Variants in CC2D1A observed in about 807,000 individuals in gnomAD.
The protein encoded by CC2D1A is coiled-coil and C2 domain containing 1A, also known as coiled-coil and C2 domain-containing protein 1A.
Under a neutral mutation model 123.8 loss-of-function variants are expected in CC2D1A, and 68 were observed. The observed-to-expected ratio is 0.55, with a 90% CI of 0.45 to 0.67. The LOEUF is 0.67. Ranked by LOEUF, CC2D1A falls within the 30% of genes least tolerant of loss-of-function variation. CC2D1A has a pLI of 0.00. For synonymous variants in CC2D1A, 477 were observed against 528.0 expected (o/e 0.90, Z 1.32); for missense variants, 1,185 against 1,290.3 (o/e 0.92, Z 1.25).
At chr19:13,912,853 T>C (rs1008774492) in intron 4 of CC2D1A, among the ~76,000 whole-genome samples, 5 of 152,164 alleles carry the variant, frequency 3.3e-5, no homozygotes, top group Non-Finnish European at 7.4e-5. Context: ...GGTGTTTCTC[T>C]GTGTTGGCCA....
Position 13,918,065 on chromosome 19 carries a change from TC to T in CC2D1A, c.749-3del. 1.2e-6 allele frequency: 2 copies of T among 1,613,082 alleles called. No individual in the cohort carries two copies. The highest frequency in any genetic ancestry group is 8.5e-7 in the Non-Finnish European group (1 of 1,179,910). ...AGGCTTCCTGTATGTTGTTCTCCCTTCCAGGTCCCTGCAGCCCTGGCCCTCT... is the reference window on the plus strand; with the variant it reads ...AGGCTTCCTGTATGTTGTTCTCCCTTCAGGTCCCTGCAGCCCTGGCCCTCT... On this transcript the variant is annotated splice_region_variant and splice_polypyrimidine_tract_variant and intron_variant, in intron 6 of 28. Coordinates refer to ENST00000318003, the MANE Select transcript of CC2D1A (RefSeq NM_017721.5).
chr19:13,928,291 C>G, intron 24 of CC2D1A, 103 bp downstream of exon 24: 2 of 1,000,870 alleles, frequency 2.0e-6, no homozygotes. Context: ...CGTCCCTCTC[C>G]TGCTGCAAAA....
At chr19:13,926,379 C>G in intron 17 of CC2D1A, 138 bp from the exon 18 acceptor site, 1 of 669,982 alleles carries the variant, frequency 1.5e-6, no homozygotes, top group Non-Finnish European at 2.6e-6. Context: ...AAAATGAGCC[C>G]AGGAGCTGAG....
chr19:13,918,630 TCTC>T, intron 8 of CC2D1A, 54 bp downstream of exon 8: 12 of 1,594,356 alleles, frequency 7.5e-6, no homozygotes, highest in South Asian at 1.1e-5. Flanking sequence ...TACACTAAGT[TCTC>T]CTTGATGCTG....
At chr19:13,925,470 C>A (rs969868250) in intron 17 of CC2D1A, among the ~76,000 whole-genome samples, 2 of 151,968 alleles carry the variant, frequency 1.3e-5, no homozygotes, top group Non-Finnish European at 2.9e-5. Context: ...GTCCCACCTT[C>A]TTAGGAGGCT....
In CC2D1A at chr19:13,927,970, G is replaced by T; in HGVS notation, c.2394G>T (p.Gln798His). ...VRIREPLTAQ[Q>H]LETTTERWLV... ...TTCGGGAGCCACTGACAGCCCAGCA[G>T]TTGGAGACGACGACAGAGAGGTGGC... Residue 798 changes from glutamine (Q) to histidine (H), a missense_variant, in exon 23 of 29, where the codon CAG (glutamine) becomes CAT (histidine). Transcript: ENST00000318003. The T allele has an allele frequency of 1.9e-6, 3 of 1,613,806 alleles. No homozygotes were observed. Among genetic ancestry groups the T allele is most frequent in the Non-Finnish European group, 2.5e-6 (3 of 1,179,922 alleles).
chr19:13,924,371 C>T (rs1231771418), intron 17 of CC2D1A, among the ~76,000 whole-genome samples: 2 of 151,800 alleles, frequency 1.3e-5, no homozygotes, highest in African/African-American at 2.4e-5. Flanking sequence ...GGGATTTCAC[C>T]GTGTTAGCCA....
intron 6 of CC2D1A, among the ~76,000 whole-genome samples, chr19:13,916,129 T>C (rs1269219814): frequency 1.3e-5 from 2 of 152,164 alleles, no homozygotes; most frequent in Non-Finnish European, 2.9e-5. Context: ...TGGTGGTGCA[T>C]GCTGGTAGTC....
At chr19:13,908,123 A>G (rs183988041) in intron 1 of CC2D1A, among the ~76,000 whole-genome samples, 248 of 152,162 alleles carry the variant, frequency 1.6e-3, no homozygotes, top group Middle Eastern at 3.4e-3. Context: ...CTCCTGCCTC[A>G]GCCTCCCGAG....
Position 13,923,703 on chromosome 19 carries a change from A to C in CC2D1A, c.1832A>C (p.Lys611Thr). 1 of 1,614,180 alleles carries C rather than the reference A, an allele frequency of 6.2e-7. No individual in the cohort carries two copies. Among genetic ancestry groups the C allele is most frequent in the Non-Finnish European group, 8.5e-7 (1 of 1,180,004 alleles). ...GNITETTKFE[K>T]LAEDCKRSMD... ...GGCCCTCCCACCGGCAGGTTTGAAA[A>C]GTTGGCGGAGGACTGTAAGCGGAGC... Residue 611 changes from lysine (K) to threonine (T), a missense_variant, in exon 17 of 29, where the codon AAG becomes ACG. Transcript: ENST00000318003. This position sits in a 1 kb window ranked among gnomAD's most constrained non-coding sequence, Gnocchi z 5.3.
At chr19:13,914,357 C>A (rs1386785899) in intron 6 of CC2D1A, among the ~76,000 whole-genome samples, 1 of 146,806 alleles carries the variant, frequency 6.8e-6, no homozygotes, top group Non-Finnish European at 1.5e-5. Flanking sequence ...TTTTTTGAGT[C>A]GGAGTCTCGC....
intron 6 of CC2D1A, among the ~76,000 whole-genome samples, chr19:13,914,411 T>C (rs2145314900): frequency 6.6e-6 from 1 of 151,776 alleles, no homozygotes; most frequent in East Asian, 1.9e-4. Context: ...CTCGGCTCAC[T>C]GCAACCTTTG....
Position 13,920,683 on chromosome 19 carries a change from C to A in CC2D1A, c.1468+15C>A. ...ATCCACCAGAGGTAAGTTCCCCCTCCCCGCCCCAGCTGCCTGTTGCCTGGC... is the reference window on the plus strand; with the variant it reads ...ATCCACCAGAGGTAAGTTCCCCCTCACCGCCCCAGCTGCCTGTTGCCTGGC... On this transcript the variant is annotated intron_variant, in intron 13 of 28. Coordinates refer to ENST00000318003, the MANE Select transcript of CC2D1A (RefSeq NM_017721.5). 4 of 1,606,922 alleles carry A rather than the reference C, an allele frequency of 2.5e-6. No homozygotes were observed. Among genetic ancestry groups the A allele is most frequent in the Non-Finnish European group, 3.4e-6 (4 of 1,176,248 alleles).
rs747194384 is a variant in CC2D1A at position 13,927,066 on chromosome 19, G to T, written c.2214G>T (p.Val738=). 69 of 1,613,952 alleles carry T rather than the reference G, an allele frequency of 4.3e-5. No individual in the cohort carries two copies. In the East Asian group the frequency reaches 1.5e-3, roughly 36 times the overall value. ...AIQTKGIKFE[V]VHKGGLFKTD... ...AGACCAAGGGCATCAAGTTCGAAGT[G>T]GTTCACAAGGGGTGAGCTAGAGAGA... Residue 738 remains valine (V), a synonymous_variant, in exon 21 of 29, where the codon GTG becomes GTT. Transcript: ENST00000318003.
chr19:13,918,779 C>T lies in CC2D1A; in HGVS notation c.980C>T (p.Ser327Leu), dbSNP rs200121704. 13,946 of 1,613,338 alleles carry T rather than the reference C, an allele frequency of 8.6e-3. 105 individuals are homozygous for T. Among genetic ancestry groups the T allele is most frequent in the Middle Eastern group, 0.018 (109 of 6,024 alleles). The change falls in exon 9 of 29, where the codon TCG becomes TTG. Residue 327 changes from serine (S) to leucine (L), a missense_variant. Transcript: ENST00000318003. ...CCCCCAGACCCACCGTCACCACCGT[C>T]GCAGCCTCCGACCCCCGCTACGGCG... ...QLPPDPPSPP[S>L]QPPTPATAPS... is the part of the protein sequence containing the mutation.
chr19:13,918,224 G>A (rs1447182440), intron 7 of CC2D1A, 30 bp downstream of exon 7: 6 of 1,522,234 alleles, frequency 3.9e-6, no homozygotes, highest in Non-Finnish European at 5.3e-6. Flanking sequence ...CAGGACTGGA[G>A]GGATGGGGCA....
chr19:13,911,853 C>T (rs1971012134), intron 2 of CC2D1A, among the ~76,000 whole-genome samples: 2 of 151,900 alleles, frequency 1.3e-5, no homozygotes, highest in Non-Finnish European at 2.9e-5. Flanking sequence ...GTAGCTGGGA[C>T]CACAGGCGCC....
Position 13,925,918 on chromosome 19 carries a change from TAAA to T in CC2D1A, c.1941-585_1941-583del, listed in dbSNP as rs34627490. ...CTGGGCGACAGAGCAAGACTCTGTC[TAAA>T]AAAAAAAAAAAAATATATATATATA... On this transcript the variant is annotated intron_variant, in intron 17 of 28. Transcript: ENST00000318003. Among the ~76,000 whole-genome samples the T allele has an allele frequency of 1.9e-3, 103 of 55,256 alleles. 2 individuals carry two copies. Among genetic ancestry groups the T allele is most frequent in the African/African-American group, 6.8e-3 (87 of 12,832 alleles). 36.3% of individuals were successfully genotyped at this position (55,256 alleles called of 152,430 possible).
rs564730395 is a variant in CC2D1A, at chr19:13,923,322, G to A, written c.1642-11G>A. The A allele has an allele frequency of 3.7e-5, 60 of 1,600,116 alleles. No individual in the cohort carries two copies. Among genetic ancestry groups the A allele is most frequent in the East Asian group, 4.5e-5 (2 of 44,854 alleles). On this transcript the variant is annotated splice_polypyrimidine_tract_variant and intron_variant, in intron 14 of 28. Transcript: ENST00000318003. This position sits in a 1 kb window ranked among gnomAD's most constrained non-coding sequence, Gnocchi z 5.3. ...CCTCCTTACCCCCGCCACCAGCCTC[G>A]TCCTCCCCAGGTGCCGCCTGCCCCT...
Sources: gnomAD v4.1 joint callset for allele counts (sites outside exome capture counted in the v4.1 genomes callset) on GRCh38, gnomAD v4.1.1 for gene constraint, Gnocchi (gnomAD v3.1) non-coding constraint, MANE v1.5 for transcripts, NCBI Gene and HGNC (gene_info 2026-07-23, HGNC 2026-07-21) for gene names.